ISCU: variants seen among roughly 807,000 people sequenced by gnomAD.
ISCU encodes iron-sulfur cluster assembly enzyme ISCU.
Under a neutral mutation model 18.4 loss-of-function variants are expected in ISCU, and 13 were observed. That is an observed-to-expected ratio of 0.71 (90% CI 0.46 to 1.12). The LOEUF (loss-of-function observed/expected upper bound fraction) is 1.12, where lower values mean the gene tolerates loss of function less well. Ranked by LOEUF, ISCU falls within the 50% of genes most tolerant of loss-of-function variation. The pLI is 0.00. For missense variants in ISCU, 229 were observed against 208.7 expected (o/e 1.10, Z -0.60); for synonymous variants, 104 against 87.5 (o/e 1.19, Z -1.06).
intron 3 of ISCU, among the ~76,000 whole-genome samples, chr12:108,566,973 A>C (rs981021124): frequency 2.0e-5 from 3 of 152,206 alleles, no homozygotes; most frequent in African/African-American, 7.2e-5. Context: ...TTGCTTACCC[A>C]AGCCAGGCAG....
chr12:108,565,340 G>A lies in ISCU; in HGVS notation c.248G>A (p.Gly83Glu). Residue 83 changes from glycine to glutamate, a missense_variant, in exon 3 of 5, where the codon GGG becomes GAG. Transcript: ENST00000311893. ...TTCTAGATTCAAGTGGATGAAAAGG[G>A]GAAGATTGTGGATGCTAGGTTTAAA... Reference protein sequence around the residue: ...MKLQIQVDEKGKIVDARFKTF... With the variant: ...MKLQIQVDEKEKIVDARFKTF... The A allele has an allele frequency of 6.2e-7, 1 of 1,614,032 alleles. No individual in the cohort carries two copies. Among genetic ancestry groups the A allele is most frequent in the Non-Finnish European group, 8.5e-7 (1 of 1,179,894 alleles).
chr12:108,568,687 G>C, intron 4 of ISCU, 144 bp from the exon 5 acceptor site: 1 of 1,498,606 alleles, frequency 6.7e-7, no homozygotes, highest in Non-Finnish European at 8.9e-7. Flanking sequence ...GACGTGCCCA[G>C]CAACTCCTCA....
chr12:108,567,086 T>TC (rs1488286303), intron 3 of ISCU, 104 bp from the exon 4 acceptor site: 2 of 822,652 alleles, frequency 2.4e-6, no homozygotes, highest in East Asian at 2.4e-5. Context: ...ACAGAAATCA[T>TC]CCCCACCAAC....
chr12:108,564,424 A>G lies in ISCU; in HGVS notation c.228+32A>G, dbSNP rs565065095. 16 of 1,424,570 alleles carry G rather than the reference A, an allele frequency of 1.1e-5. No homozygotes were observed. In the South Asian group the frequency reaches 1.8e-4, roughly 16 times the overall value. 88.2% of individuals were successfully genotyped at this position (1,424,570 alleles called of 1,614,324 possible). On this transcript the variant is annotated intron_variant, in intron 2 of 4. Coordinates refer to ENST00000311893, the MANE Select transcript of ISCU (RefSeq NM_213595.4). ...CTAGTCTTTTTTAATAGTGATAACA[A>G]TAATCCCTTTAAGTTTACAAAGCAC...
chr12:108,565,302 A>G lies in ISCU; in HGVS notation c.229-19A>G. 6.3e-7 allele frequency: 1 copy of G among 1,590,444 alleles called. No individual in the cohort carries two copies. On this transcript the variant is annotated intron_variant, in intron 2 of 4. Transcript: ENST00000311893. ...GGGTGGTCCCAGGACTCACCACTTA[A>G]CTCTTGTCTCTTTTCTAGATTCAAG... is the stretch of plus-strand genomic sequence containing the variant.
At chr12:108,565,630 G>A (rs1383784936) in intron 3 of ISCU, among the ~76,000 whole-genome samples, 199 bp downstream of exon 3, 1 of 152,060 alleles carries the variant, frequency 6.6e-6, no homozygotes, top group Non-Finnish European at 1.5e-5. Context: ...TTGTTTGGGT[G>A]TTAATTACAT....
chr12:108,564,876 A>AT (rs2030815859), intron 2 of ISCU: 1 of 268,544 alleles, frequency 3.7e-6, no homozygotes, highest in African/African-American at 2.2e-5. Context: ...AGAGGTCTTC[A>AT]TACCTATCTT....
intron 4 of ISCU, 171 bp downstream of exon 4, chr12:108,567,439 C>T (rs2030953481): frequency 1.4e-6 from 1 of 735,330 alleles, no homozygotes; most frequent in South Asian, 1.5e-5. Flanking sequence ...GTCTCACATT[C>T]ATCCCTAAGA....
chr12:108,565,162 T>G, intron 2 of ISCU, 159 bp from the exon 3 acceptor site: 2 of 651,880 alleles, frequency 3.1e-6, no homozygotes, highest in East Asian at 2.7e-5. Flanking sequence ...TTTTCATCAC[T>G]GAGCTCTTTG....
At chr12:108,562,440 C>T (rs1229559240), upstream of ISCU, 1 of 438,856 alleles carries the variant, frequency 2.3e-6, no homozygotes, top group African/African-American at 2.1e-5. Flanking sequence ...GCTCCCGACC[C>T]CGCCCGCCCC....
chr12:108,563,967 C>T, intron 1 of ISCU: 1 of 817,430 alleles, frequency 1.2e-6, no homozygotes, highest in Non-Finnish European at 2.2e-6. Flanking sequence ...TGTTTGAGCC[C>T]AAGTCTGGTG....
In ISCU at chr12:108,567,566, G is replaced by A. The variant is rs2030958476; in HGVS notation, c.418+298G>A. On this transcript the variant is annotated intron_variant, in intron 4 of 4. Transcript: ENST00000311893. Reference sequence around the variant, plus strand: ...GTAGATGTCATTACTTCCCTCTTATGGATGAGGAAGCTAAGGCTTGGGTTG... The same window carrying A: ...GTAGATGTCATTACTTCCCTCTTATAGATGAGGAAGCTAAGGCTTGGGTTG... 4.9e-6 allele frequency: 5 copies of A among 1,024,426 alleles called. No homozygotes were observed. The South Asian group carries it at 6.8e-5, about 14-fold the overall frequency. 63.5% of individuals were successfully genotyped at this position (1,024,426 alleles called of 1,614,324 possible).
chr12:108,565,181 C>A, intron 2 of ISCU, 140 bp from the exon 3 acceptor site: 1 of 696,106 alleles, frequency 1.4e-6, no homozygotes, highest in Admixed American at 2.2e-5. Context: ...TGAAACAAGG[C>A]AAAGTCAGTA....
At chr12:108,562,934 A>G (rs1020623330) in intron 1 of ISCU, 198 bp downstream of exon 1, 1 of 393,408 alleles carries the variant, frequency 2.5e-6, no homozygotes, top group Non-Finnish European at 4.5e-6. Context: ...GGCGACTTCC[A>G]GGGGGCCCCG....
Position 108,564,288 on chromosome 12 carries a change from C to A in ISCU, c.124C>A (p.His42Asn), listed in dbSNP as rs2030779163. 4.3e-6 allele frequency: 7 copies of A among 1,613,048 alleles called. No homozygotes were observed. The highest frequency in any genetic ancestry group is 5.9e-6 in the Non-Finnish European group (7 of 1,179,032). Residue 42 changes from histidine (H) to asparagine (N), a missense_variant, in exon 2 of 5, where the codon CAT becomes AAT. Physicochemically the swap from His to Asn is moderately conservative, Grantham distance 68. Transcript: ENST00000311893. ...ARLYHKKVVD[H>N]YENPRNVGSL... The stretch of plus-strand genomic sequence containing the variant: ...AACCCTCTCATTTTAGGTTGTTGAT[C>A]ATTATGAAAATCCTAGAAACGTGGG...
intron 1 of ISCU, 138 bp from the exon 2 acceptor site, chr12:108,564,141 G>A: frequency 6.2e-7 from 1 of 1,612,432 alleles, no homozygotes; most frequent in Non-Finnish European, 8.5e-7. Flanking sequence ...CATGAGTGTA[G>A]ACCTTTCTAC....
rs1445941015 is a variant in ISCU, at chr12:108,564,260, C to G, written c.115-19C>G. The stretch of plus-strand genomic sequence containing the variant: ...CCAATAGAGAGTGAACATGATTTAT[C>G]TTAACCCTCTCATTTTAGGTTGTTG... On this transcript the variant is annotated intron_variant, in intron 1 of 4. Transcript: ENST00000311893. The G allele has an allele frequency of 2.5e-6, 4 of 1,592,068 alleles. No homozygotes were observed. The East Asian group carries it at 6.7e-5, about 27-fold the overall frequency.
At chr12:108,567,048 G>C in intron 3 of ISCU, 142 bp from the exon 4 acceptor site, 1 of 705,870 alleles carries the variant, frequency 1.4e-6, no homozygotes, top group Middle Eastern at 3.7e-4. Context: ...GGAGTCCTGA[G>C]AAGACCCTTA....
At chr12:108,564,508 G>T in intron 2 of ISCU, 116 bp downstream of exon 2, 1 of 766,406 alleles carries the variant, frequency 1.3e-6, no homozygotes. Context: ...CATTTCACTT[G>T]GTCTCCATTC....
Sources: allele counts gnomAD v4.1 joint callset (sites outside exome capture counted in the v4.1 genomes callset), GRCh38; gene constraint gnomAD v4.1.1; transcripts MANE v1.5; gene names NCBI Gene and HGNC (gene_info 2026-07-23, HGNC 2026-07-21).